ST6GALNAC5: variants seen among roughly 807,000 people sequenced by gnomAD.
The protein encoded by ST6GALNAC5 is ST6 N-acetylgalactosaminide alpha-2,6-sialyltransferase 5.
Under a neutral mutation model 33.6 loss-of-function variants are expected in ST6GALNAC5, and 27 were observed. That is an observed-to-expected ratio of 0.80 (90% CI 0.59 to 1.11). ST6GALNAC5 has a LOEUF of 1.11. ST6GALNAC5 is among the 50% of genes least tolerant of loss of function. The probability of loss-of-function intolerance (pLI) is 0.00; values close to 1 mark genes in which losing one functional copy is unlikely to be tolerated. For missense variants in ST6GALNAC5, 428 were observed against 454.0 expected (o/e 0.94, Z 0.52); for synonymous variants, 194 against 171.2 (o/e 1.13, Z -1.04).
At chr1:76,920,229 A>T (rs1557723416) in intron 2 of ST6GALNAC5, among the ~76,000 whole-genome samples, 1 of 152,030 alleles carries the variant, frequency 6.6e-6, no homozygotes, top group African/African-American at 2.4e-5. Flanking sequence ...GTGCTGGTGA[A>T]TTTTTTTTAA....
chr1:77,012,021 G>A (rs1228408332), intron 2 of ST6GALNAC5, among the ~76,000 whole-genome samples: 8 of 152,232 alleles, frequency 5.3e-5, no homozygotes, highest in East Asian at 3.9e-4. Context: ...GTTCCATAGC[G>A]GTCAAGTGGT....
rs1486466680 is a variant in ST6GALNAC5 at position 77,063,440 on chromosome 1, G to A, written c.*234G>A. ...GTCCCCTTCAATGGTGTTACCTTAGGAGCTGAACATTCAATTCAGTTACAC... is the reference window on the plus strand; with the variant it reads ...GTCCCCTTCAATGGTGTTACCTTAGAAGCTGAACATTCAATTCAGTTACAC... On this transcript the variant is annotated 3_prime_UTR_variant, in exon 5 of 5. Transcript: ENST00000477717. 3.8e-6 allele frequency: 2 copies of A among 522,112 alleles called. No homozygotes were observed. Among genetic ancestry groups the A allele is most frequent in the Admixed American group, 6.6e-5 (2 of 30,490 alleles). 32.3% of individuals were successfully genotyped at this position (522,112 alleles called of 1,614,324 possible).
chr1:76,879,728 G>T (rs1241894030), intron 2 of ST6GALNAC5, among the ~76,000 whole-genome samples: 1 of 152,182 alleles, frequency 6.6e-6, no homozygotes, highest in East Asian at 1.9e-4. Context: ...GTGTGGGTCA[G>T]GGAGGAGATG....
intron 2 of ST6GALNAC5, among the ~76,000 whole-genome samples, chr1:77,003,332 T>C (rs1288011405): frequency 7.1e-6 from 1 of 140,790 alleles, no homozygotes; most frequent in African/African-American, 2.5e-5. Context: ...TTTTTTGTTT[T>C]CCTTTGGCTT....
chr1:76,880,556 A>T (rs1459003159), intron 2 of ST6GALNAC5, among the ~76,000 whole-genome samples: 2 of 152,220 alleles, frequency 1.3e-5, no homozygotes, highest in African/African-American at 4.8e-5. Flanking sequence ...AGCCAGTCCG[A>T]GTCTCAAAAT....
chr1:76,936,662 C>T (rs1483425173), intron 2 of ST6GALNAC5, among the ~76,000 whole-genome samples: 1 of 152,040 alleles, frequency 6.6e-6, no homozygotes, highest in East Asian at 1.9e-4. Flanking sequence ...CCTTAATTTA[C>T]AGAACATTAT....
At chr1:76,887,947 C>T (rs1653933141) in intron 2 of ST6GALNAC5, among the ~76,000 whole-genome samples, 1 of 152,120 alleles carries the variant, frequency 6.6e-6, no homozygotes, top group Admixed American at 6.5e-5. Context: ...ACCATACACA[C>T]TGTGAAGCAG....
At chr1:76,929,845 T>G (rs1370566780) in intron 2 of ST6GALNAC5, among the ~76,000 whole-genome samples, 1 of 152,076 alleles carries the variant, frequency 6.6e-6, no homozygotes, top group South Asian at 2.1e-4. Flanking sequence ...GAGTAGGGGC[T>G]CATGCCTGTA....
At chr1:76,908,925 T>C (rs1646887711) in intron 2 of ST6GALNAC5, among the ~76,000 whole-genome samples, 1 of 152,206 alleles carries the variant, frequency 6.6e-6, no homozygotes, top group East Asian at 1.9e-4. Flanking sequence ...GAAGTTTTAT[T>C]TTCTGAAGTT....
At position 77,063,171 on chromosome 1, in the gene ST6GALNAC5, G is replaced by T. The variant is rs575531437; in HGVS notation, c.976G>T (p.Ala326Ser). Residue 326 changes from alanine to serine, a missense_variant, in exon 5 of 5, where the codon GCT (alanine) becomes TCT (serine). Physicochemically the swap from Ala to Ser is moderately conservative, Grantham distance 99. Coordinates refer to ENST00000477717, the MANE Select transcript of ST6GALNAC5 (RefSeq NM_030965.3). ...ACCAGACTGGAAACCAGAATCACTT[G>T]CTATAAATCATCCTGAGAATAAACC... ...FQPDWKPESL[A>S]INHPENKPVF 1 of 1,613,686 alleles carries T rather than the reference G, an allele frequency of 6.2e-7. No individual in the cohort carries two copies. The highest frequency in any genetic ancestry group is 2.2e-5 in the East Asian group (1 of 44,862).
At chr1:77,000,871 AC>A (rs1441527180) in intron 2 of ST6GALNAC5, among the ~76,000 whole-genome samples, 1 of 152,144 alleles carries the variant, frequency 6.6e-6, no homozygotes, top group Non-Finnish European at 1.5e-5. Flanking sequence ...TGGTACCAGT[AC>A]CATGCTGTTT....
chr1:76,940,752 C>T (rs773900398), intron 2 of ST6GALNAC5, among the ~76,000 whole-genome samples: 13 of 152,040 alleles, frequency 8.6e-5, no homozygotes, highest in Non-Finnish European at 1.6e-4. Flanking sequence ...ATCCACACCC[C>T]GCTGACAGTC....
intron 2 of ST6GALNAC5, among the ~76,000 whole-genome samples, chr1:76,957,051 G>A (rs985323908): frequency 1.3e-5 from 2 of 152,140 alleles, no homozygotes; most frequent in Non-Finnish European, 1.5e-5. Flanking sequence ...GGAGAAAAAT[G>A]GAAAGTATTT....
At chr1:76,965,218 C>CT (rs201919503) in intron 2 of ST6GALNAC5, among the ~76,000 whole-genome samples, 4 of 151,410 alleles carry the variant, frequency 2.6e-5, no homozygotes, top group Non-Finnish European at 4.4e-5. Flanking sequence ...GTTTACCACC[C>CT]CCCCCACCAA....
intron 3 of ST6GALNAC5, among the ~76,000 whole-genome samples, chr1:77,046,173 G>T (rs1652001718): frequency 1.3e-5 from 2 of 152,214 alleles, no homozygotes; most frequent in African/African-American, 4.8e-5. Context: ...CCAGCTACTT[G>T]AAAGGCTGAG....
intron 2 of ST6GALNAC5, among the ~76,000 whole-genome samples, chr1:76,889,887 T>C (rs1350987489): frequency 6.6e-6 from 1 of 152,156 alleles, no homozygotes; most frequent in Non-Finnish European, 1.5e-5. Flanking sequence ...TATCTTCTTC[T>C]TTATATACAT....
intron 2 of ST6GALNAC5, among the ~76,000 whole-genome samples, chr1:76,954,433 A>G (rs2100341604): frequency 6.6e-6 from 1 of 152,234 alleles, no homozygotes; most frequent in Middle Eastern, 3.4e-3. Flanking sequence ...TGCTGGACTT[A>G]ATGCCAAGGT....
intron 2 of ST6GALNAC5, among the ~76,000 whole-genome samples, chr1:76,888,441 T>C (rs1004103959): frequency 2.0e-5 from 3 of 152,242 alleles, no homozygotes; most frequent in Non-Finnish European, 2.9e-5. Context: ...ATGTCCTATA[T>C]GAATACACTA....
chr1:77,036,094 A>G (rs902587232), intron 2 of ST6GALNAC5, among the ~76,000 whole-genome samples: 4 of 152,236 alleles, frequency 2.6e-5, no homozygotes, highest in Admixed American at 2.6e-4. Flanking sequence ...ACATATGTGT[A>G]TATGTACAAG....
Sources: allele counts gnomAD v4.1 joint callset (sites outside exome capture counted in the v4.1 genomes callset), GRCh38; gene constraint gnomAD v4.1.1; transcripts MANE v1.5; gene names NCBI Gene and HGNC (gene_info 2026-07-23, HGNC 2026-07-21).